The following ATP11A variants were observed in gnomAD, a reference collection of about 807,000 sequenced individuals.
The protein encoded by ATP11A is phospholipid-transporting ATPase IH.
In ATP11A, 81 loss-of-function variants were observed where a neutral mutation model predicts 154.4. The observed-to-expected ratio is 0.52, with a 90% CI of 0.44 to 0.63. The LOEUF (loss-of-function observed/expected upper bound fraction) is 0.63, where lower values mean the gene tolerates loss of function less well. Ranked by LOEUF, ATP11A falls within the 30% of genes least tolerant of loss-of-function variation. The pLI, the probability that ATP11A is intolerant of heterozygous loss-of-function variation, is 0.00. For synonymous variants in ATP11A, 623 were observed against 585.9 expected, an observed-to-expected ratio of 1.06 and a Z score of -0.91; for missense variants, 1,316 against 1,474.3, an observed-to-expected ratio of 0.89 and a Z score of 1.76.
intron 1 of ATP11A, among the ~76,000 whole-genome samples, chr13:112,763,806 T>C (rs1243439349): frequency 6.6e-6 from 1 of 152,146 alleles, no homozygotes; most frequent in African/African-American, 2.4e-5. Flanking sequence ...CACCCCCTGC[T>C]TGGAGATGTT....
chr13:112,842,099 G>T (rs1360281392), intron 16 of ATP11A, among the ~76,000 whole-genome samples, 177 bp from the exon 17 acceptor site: 1 of 152,232 alleles, frequency 6.6e-6, no homozygotes, highest in Non-Finnish European at 1.5e-5. Flanking sequence ...GGCTTTGGAG[G>T]TTATCTGTGG....
intron 1 of ATP11A, among the ~76,000 whole-genome samples, chr13:112,733,238 G>C (rs979483646): frequency 6.6e-6 from 1 of 152,136 alleles, no homozygotes; most frequent in Non-Finnish European, 1.5e-5. Context: ...GGGGGCACAC[G>C]GCGCGGGGCA....
At chr13:112,743,331 C>T (rs1891747431) in intron 1 of ATP11A, among the ~76,000 whole-genome samples, 1 of 152,232 alleles carries the variant, frequency 6.6e-6, no homozygotes, top group Non-Finnish European at 1.5e-5. Flanking sequence ...CAGGTTCCTG[C>T]TACAGTGTGA....
intron 1 of ATP11A, among the ~76,000 whole-genome samples, chr13:112,713,771 G>T (rs541630481): frequency 6.6e-6 from 1 of 152,102 alleles, no homozygotes; most frequent in Non-Finnish European, 1.5e-5. Context: ...ACCAGACATC[G>T]GTTTGCATGT....
chr13:112,803,744 CCTTCTCTCATTCCCCTCCTT>C (rs2078204414), intron 2 of ATP11A, among the ~76,000 whole-genome samples: 8 of 130,176 alleles, frequency 6.1e-5, no homozygotes, highest in Non-Finnish European at 1.1e-4. Context: ...TCCTTCCCCT[CCTTCTCTCATTCCCCTCCTT>C]CCCTCCTTCC....
At chr13:112,877,552 A>G (rs755966548) in intron 28 of ATP11A, among the ~76,000 whole-genome samples, 2 of 152,146 alleles carry the variant, frequency 1.3e-5, no homozygotes, top group Non-Finnish European at 2.9e-5. Flanking sequence ...GAGAGAGAGC[A>G]GGTGCAGCTT....
chr13:112,710,906 C>G lies in ATP11A; in HGVS notation c.39+20451C>G, dbSNP rs866691151. Among the ~76,000 whole-genome samples, 5 of 152,338 alleles carry G rather than the reference C, an allele frequency of 3.3e-5. 1 individual carries two copies. The highest frequency in any genetic ancestry group is 1.2e-4 in the African/African-American group (5 of 41,584). ...CAGCCCCGCGTCATGTGAGGGGGCA[C>G]TAGTCACAGTGCGGGAGGCTTCAGA... On this transcript the variant is annotated intron_variant, in intron 1 of 29. Transcript: ENST00000375645.
chr13:112,780,571 A>G (rs1348211091), intron 1 of ATP11A, among the ~76,000 whole-genome samples: 3 of 152,174 alleles, frequency 2.0e-5, no homozygotes, highest in South Asian at 2.1e-4. Flanking sequence ...TTCCATGAAC[A>G]GCGCAGCCGT....
chr13:112,877,296 C>T (rs956098193), intron 28 of ATP11A, among the ~76,000 whole-genome samples: 6 of 152,216 alleles, frequency 3.9e-5, no homozygotes, highest in Admixed American at 2.6e-4. Context: ...CCCAAGCAGC[C>T]ACTCACTGCC....
At position 112,690,049 on chromosome 13, in the gene ATP11A, G is replaced by A. The variant is rs1283093137; in HGVS notation, c.-368G>A. ...GGCCCGGAGGCTCCAGAGGGCGGCG[G>A]GCAGGGGAGGAGGAGACTCGGGAGG... On this transcript the variant is annotated 5_prime_UTR_variant, in exon 1 of 30. Transcript: ENST00000375645. The surrounding 1 kb of genome is among the most constrained non-coding windows in gnomAD (Gnocchi z 5.6). Among the ~76,000 whole-genome samples, 1 of 148,732 alleles carries A rather than the reference G, an allele frequency of 6.7e-6. No individual in the cohort carries two copies. The highest frequency in any genetic ancestry group is 2.4e-5 in the African/African-American group (1 of 41,114).
At position 112,885,331 on chromosome 13, in the gene ATP11A, A is replaced by G. The variant is rs1006614251; in HGVS notation, c.*3465A>G. On this transcript the variant is annotated 3_prime_UTR_variant, in exon 30 of 30. Transcript: ENST00000375645. ...ACAGCAGAGAGACGTATGAGCTTCT[A>G]CTGCACACATGCACACACACACGCA... The G allele has an allele frequency of 6.6e-5, 10 of 151,836 alleles. No individual in the cohort carries two copies. The highest frequency in any genetic ancestry group is 3.3e-4 in the Admixed American group (5 of 15,282). 9.4% of individuals were successfully genotyped at this position (151,836 alleles called of 1,614,324 possible). A position where few individuals can be genotyped will look rare whatever the true frequency, so the allele number is the denominator to read the frequency against.
intron 13 of ATP11A, among the ~76,000 whole-genome samples, chr13:112,831,981 C>T (rs990427776): frequency 2.0e-5 from 3 of 149,584 alleles, no homozygotes; most frequent in African/African-American, 5.0e-5. Flanking sequence ...GCCCAGACAC[C>T]GTGTGCACAC....
At chr13:112,857,430 G>C (rs185991021) in intron 20 of ATP11A, among the ~76,000 whole-genome samples, 1 of 152,070 alleles carries the variant, frequency 6.6e-6, no homozygotes, top group Non-Finnish European at 1.5e-5. Context: ...CAGAATGCAG[G>C]GTTCACATTT....
intron 1 of ATP11A, among the ~76,000 whole-genome samples, chr13:112,732,201 C>T (rs1890556338): frequency 6.6e-6 from 1 of 152,204 alleles, no homozygotes; most frequent in Non-Finnish European, 1.5e-5. Flanking sequence ...CACAGACCAC[C>T]TTCTGGTTCC....
At chr13:112,712,859 G>A (rs1887926104) in intron 1 of ATP11A, among the ~76,000 whole-genome samples, 1 of 152,212 alleles carries the variant, frequency 6.6e-6, no homozygotes. Context: ...TTGTGTCTCT[G>A]GTGTTTGCTG....
At chr13:112,834,731 T>A in intron 15 of ATP11A, 71 bp downstream of exon 15, 2 of 1,311,242 alleles carry the variant, frequency 1.5e-6, no homozygotes, top group Non-Finnish European at 2.2e-6. Context: ...AGGTTCTGCG[T>A]TTGAGGGAAA....
rs1033141003 is a variant in ATP11A at position 112,754,252 on chromosome 13, C to T, written c.40-30883C>T. Reference sequence around the variant, plus strand: ...AATAACAGGGCCGGGTTCTCACTGGCGGGACTGTTCACCTCTGCAATCTGC... The same window carrying T: ...AATAACAGGGCCGGGTTCTCACTGGTGGGACTGTTCACCTCTGCAATCTGC... On this transcript the variant is annotated intron_variant, in intron 1 of 29. Coordinates refer to ENST00000375645, the MANE Select transcript of ATP11A (RefSeq NM_015205.3). This position sits in a 1 kb window ranked among gnomAD's most constrained non-coding sequence, Gnocchi z 5.3. Among the ~76,000 whole-genome samples the T allele has an allele frequency of 6.6e-6, 1 of 152,194 alleles. No individual in the cohort carries two copies. The highest frequency in any genetic ancestry group is 2.4e-5 in the African/African-American group (1 of 41,448).
At chr13:112,763,305 G>T (rs1360882067) in intron 1 of ATP11A, among the ~76,000 whole-genome samples, 1 of 152,116 alleles carries the variant, frequency 6.6e-6, no homozygotes, top group African/African-American at 2.4e-5. Context: ...GGGAAGAGGG[G>T]CTCGGACAGG....
chr13:112,882,150 C>A lies in ATP11A; in HGVS notation c.*284C>A. Reference sequence around the variant, plus strand: ...GGAGGGGGGTCACAGGCCTTGCCCTCGAGCATGGCACCCTGGCCGCCTGGA... The same window carrying A: ...GGAGGGGGGTCACAGGCCTTGCCCTAGAGCATGGCACCCTGGCCGCCTGGA... On this transcript the variant is annotated 3_prime_UTR_variant, in exon 30 of 30. Transcript: ENST00000375645. This position sits in a 1 kb window ranked among gnomAD's most constrained non-coding sequence, Gnocchi z 5.1. 7.6e-7 allele frequency: 1 copy of A among 1,308,618 alleles called. No individual in the cohort carries two copies. The highest frequency in any genetic ancestry group is 1.5e-5 in the African/African-American group (1 of 67,064). The allele number at this position is 1,308,618 out of a possible 1,614,324, so 81.1% of individuals were successfully genotyped here.
Sources: allele counts gnomAD v4.1 joint callset (sites outside exome capture counted in the v4.1 genomes callset), GRCh38; gene constraint gnomAD v4.1.1; non-coding constraint Gnocchi (gnomAD v3.1); transcripts MANE v1.5; gene names NCBI Gene and HGNC (gene_info 2026-07-23, HGNC 2026-07-21).